IQUB: variants seen among roughly 807,000 people sequenced by gnomAD.
IQUB encodes IQ motif and ubiquitin domain containing.
IQUB carries 86 observed loss-of-function variants against 86.4 expected under a neutral mutation model. The ratio of observed to expected loss-of-function variants is 1.00; its 90% CI spans 0.84 to 1.19. The LOEUF (loss-of-function observed/expected upper bound fraction) is 1.19. IQUB is among the 50% of genes most tolerant of loss of function. The pLI, the probability that IQUB is intolerant of heterozygous loss-of-function variation, is 0.00. For synonymous variants in IQUB, 289 were observed against 304.5 expected (o/e 0.95, Z 0.53); for missense variants, 946 against 916.9 (o/e 1.03, Z -0.41).
intron 12 of IQUB, among the ~76,000 whole-genome samples, chr7:123,455,685 C>T (rs921195161): frequency 2.0e-5 from 3 of 152,070 alleles, no homozygotes; most frequent in Non-Finnish European, 4.4e-5. Context: ...AGCTAGAATT[C>T]AGAGCCAGAG....
At chr7:123,466,047 TTAAG>T (rs1452739391) in intron 9 of IQUB, among the ~76,000 whole-genome samples, 1 of 152,114 alleles carries the variant, frequency 6.6e-6, no homozygotes, top group East Asian at 1.9e-4. Context: ...AGGCACTATA[TTAAG>T]TTTTTATGTT....
intron 7 of IQUB, among the ~76,000 whole-genome samples, chr7:123,492,479 A>G (rs1309981597): frequency 2.0e-5 from 3 of 152,216 alleles, no homozygotes; most frequent in Admixed American, 2.0e-4. Flanking sequence ...GTTTTTAGGT[A>G]TAACACCAAA....
intron 8 of IQUB, among the ~76,000 whole-genome samples, chr7:123,477,685 C>A (rs188589959): frequency 3.9e-5 from 6 of 152,288 alleles, no homozygotes; most frequent in Admixed American, 2.0e-4. Context: ...TTTTTGCAAT[C>A]TACCCATCTG....
At chr7:123,504,174 A>C (rs992438993) in intron 3 of IQUB, among the ~76,000 whole-genome samples, 3 of 152,168 alleles carry the variant, frequency 2.0e-5, no homozygotes, top group Non-Finnish European at 4.4e-5. Flanking sequence ...TTTAGGCCAC[A>C]CATGGCGGTT....
intron 1 of IQUB, 62 bp downstream of exon 1, chr7:123,534,420 GCGGCTGTCAC>G (rs1177951300): frequency 6.6e-6 from 1 of 152,572 alleles, no homozygotes; most frequent in Non-Finnish European, 1.5e-5. Flanking sequence ...AGAGTCCAGC[GCGGCTGTCAC>G]CGGCTCTAGG....
intron 6 of IQUB, among the ~76,000 whole-genome samples, chr7:123,497,214 A>ATAAGT (rs1163921920): frequency 6.6e-6 from 1 of 152,174 alleles, no homozygotes; most frequent in Non-Finnish European, 1.5e-5. Flanking sequence ...GTTTGATTGG[A>ATAAGT]TAAGTTACTT....
At position 123,529,969 on chromosome 7, in the gene IQUB, G is replaced by A. The variant is rs577495766; in HGVS notation, c.-5+4523C>T. On this transcript the variant is annotated intron_variant, in intron 1 of 12. Transcript: ENST00000324698. Reference sequence around the variant, plus strand: ...AATTGCTTGAACCAGGGAGTTGGAGGTTGCAGTGAGCCAAGATTGCACCAC... The same window carrying A: ...AATTGCTTGAACCAGGGAGTTGGAGATTGCAGTGAGCCAAGATTGCACCAC... Among the ~76,000 whole-genome samples the A allele has an allele frequency of 3.8e-4, 58 of 152,102 alleles. 1 individual carries two copies. The highest frequency in any genetic ancestry group is 1.4e-3 in the African/African-American group (56 of 41,474).
chr7:123,516,700 C>A (rs1318134005), intron 1 of IQUB, among the ~76,000 whole-genome samples: 2 of 152,088 alleles, frequency 1.3e-5, no homozygotes, highest in Non-Finnish European at 2.9e-5. Context: ...GTAGCCAGAA[C>A]AAGGGTGGGC....
chr7:123,479,518 G>C (rs1049555510), intron 8 of IQUB, among the ~76,000 whole-genome samples: 9 of 152,008 alleles, frequency 5.9e-5, no homozygotes, highest in Non-Finnish European at 1.0e-4. Context: ...TAAATGAACA[G>C]AGTCACAAGA....
In IQUB at chr7:123,457,246, T is replaced by G. The variant is rs1456320667; in HGVS notation, c.2193+135A>C. The stretch of plus-strand genomic sequence containing the variant: ...CATATATGCCATCCATAAATTTTTT[T>G]GTTGTTAATCCATAAGTTCTGTTTC... On this transcript the variant is annotated intron_variant, in intron 12 of 12. Transcript: ENST00000324698. 6 of 1,423,806 alleles carry G rather than the reference T, an allele frequency of 4.2e-6. No homozygotes were observed. In the East Asian group the frequency reaches 1.5e-4, roughly 37 times the overall value. 88.2% of individuals were successfully genotyped at this position (1,423,806 alleles called of 1,614,324 possible).
At chr7:123,531,326 T>A (rs1797530583) in intron 1 of IQUB, among the ~76,000 whole-genome samples, 1 of 152,210 alleles carries the variant, frequency 6.6e-6, no homozygotes, top group Non-Finnish European at 1.5e-5. Context: ...TTGCAATTAA[T>A]GTTCCAACTA....
chr7:123,510,020 A>G lies in IQUB; in HGVS notation c.413T>C (p.Ile138Thr). The change falls in exon 3 of 13, where the codon ATT (isoleucine) becomes ACT (threonine). Residue 138 changes from isoleucine to threonine, a missense_variant. Ile to Thr is a moderately conservative substitution (Grantham distance 89). Transcript: ENST00000324698. ...TATTACAATTTCCTGGCCCACTGGA[A>G]TAAGTACAACTTTTACTGTAAATTA... ...DSLATVKVVL[I>T]PVGQEIVIPF... 1 of 1,571,006 alleles carries G rather than the reference A, an allele frequency of 6.4e-7. No homozygotes were observed. Among genetic ancestry groups the G allele is most frequent in the African/African-American group, 1.4e-5 (1 of 73,470 alleles).
At chr7:123,466,401 A>C (rs910324009) in intron 9 of IQUB, among the ~76,000 whole-genome samples, 1 of 152,000 alleles carries the variant, frequency 6.6e-6, no homozygotes, top group East Asian at 1.9e-4. Context: ...CTTTTTGCCA[A>C]TCTGGTCTTT....
At position 123,452,623 on chromosome 7, in the gene IQUB, GAAAAACA is replaced by G. The variant is rs1793473914; in HGVS notation, c.*113_*119del. The G allele has an allele frequency of 3.4e-6, 2 of 588,924 alleles. No homozygotes were observed. Among genetic ancestry groups the G allele is most frequent in the African/African-American group, 1.9e-5 (1 of 52,836 alleles). 36.5% of individuals were successfully genotyped at this position (588,924 alleles called of 1,614,324 possible). A position where few individuals can be genotyped will look rare whatever the true frequency, so the allele number is the denominator to read the frequency against. The stretch of plus-strand genomic sequence containing the variant: ...CTCTTTATATAACTCAAAATACTAT[GAAAAACA>G]AAAAACAAAATCAATAAACAGATTA... On this transcript the variant is annotated 3_prime_UTR_variant, in exon 13 of 13. Transcript: ENST00000324698.
chr7:123,497,223 T>C (rs557120570), intron 6 of IQUB, among the ~76,000 whole-genome samples: 5 of 152,172 alleles, frequency 3.3e-5, no homozygotes, highest in Non-Finnish European at 5.9e-5. Flanking sequence ...GATAAGTTAC[T>C]TGCCATCTCT....
chr7:123,528,327 T>G (rs746446780), intron 1 of IQUB, among the ~76,000 whole-genome samples: 19 of 152,230 alleles, frequency 1.2e-4, no homozygotes, highest in Non-Finnish European at 2.1e-4. Context: ...TATTTGGACA[T>G]CTTGACTCCT....
At chr7:123,473,203 G>T (rs1240884898) in intron 8 of IQUB, among the ~76,000 whole-genome samples, 1 of 152,168 alleles carries the variant, frequency 6.6e-6, no homozygotes, top group Non-Finnish European at 1.5e-5. Context: ...CTTTTACACA[G>T]CACAGGGGTT....
intron 12 of IQUB, among the ~76,000 whole-genome samples, chr7:123,454,837 G>A (rs923754200): frequency 6.6e-6 from 1 of 152,054 alleles, no homozygotes; most frequent in Non-Finnish European, 1.5e-5. Flanking sequence ...ATCATATCAA[G>A]GGTACACACC....
At position 123,512,053 on chromosome 7, in the gene IQUB, T is replaced by C. The variant is rs770554994; in HGVS notation, c.288A>G (p.Glu96=). Residue 96 remains glutamate, a synonymous_variant, in exon 2 of 13, where the codon GAA becomes GAG. Transcript: ENST00000324698. ...RQVSYTPQHH[E]KQYAMQRPND... is the part of the protein sequence containing the mutation. ...TTGGCCTCTGCATTGCATATTGCTT[T>C]TCATGATGTTGCGGAGTATATGAAA... 1 of 1,614,042 alleles carries C rather than the reference T, an allele frequency of 6.2e-7. No individual in the cohort carries two copies. Among genetic ancestry groups the C allele is most frequent in the Admixed American group, 1.7e-5 (1 of 60,034 alleles).
Sources: allele counts gnomAD v4.1 joint callset (sites outside exome capture counted in the v4.1 genomes callset), GRCh38; gene constraint gnomAD v4.1.1; transcripts MANE v1.5; gene names NCBI Gene and HGNC (gene_info 2026-07-23, HGNC 2026-07-21).